IL1RAPL1: variants seen among roughly 807,000 people sequenced by gnomAD.
IL1RAPL1 encodes the protein interleukin-1 receptor accessory protein-like 1.
In IL1RAPL1, 3 loss-of-function variants were observed where a neutral mutation model predicts 48.4. That is an observed-to-expected ratio of 0.06 (90% confidence interval 0.03 to 0.16). The LOEUF is 0.16. IL1RAPL1 is among the 10% of genes least tolerant of loss of function. The pLI is 1.00. For synonymous variants in IL1RAPL1, 185 were observed against 187.7 expected (o/e 0.99, Z 0.12); for missense variants, 349 against 530.6 (o/e 0.66, Z 3.36).
chrX:28,597,588 G>T (rs1225927135), intron 1 of IL1RAPL1, among the ~76,000 whole-genome samples: 3 of 110,170 alleles, frequency 2.7e-5, no homozygotes, highest in Non-Finnish European at 5.7e-5. Context: ...AAAATTAGCC[G>T]GGCATGGTGG....
intron 2 of IL1RAPL1, among the ~76,000 whole-genome samples, chrX:29,269,888 AC>A (rs1268271697): frequency 5.4e-5 from 6 of 111,413 alleles, no homozygotes; most frequent in Non-Finnish European, 1.1e-4. Context: ...TACCCATCAC[AC>A]TAAAAGTTTC....
intron 2 of IL1RAPL1, among the ~76,000 whole-genome samples, chrX:29,137,399 A>T (rs1436260563): frequency 8.9e-6 from 1 of 111,956 alleles, no homozygotes; most frequent in Non-Finnish European, 1.9e-5. Context: ...TATGTAAGGG[A>T]TAATTTTTTT....
In IL1RAPL1 at chrX:29,153,299, T is replaced by C. The variant is rs1929501993; in HGVS notation, c.83-129639T>C. Among the ~76,000 whole-genome samples the C allele has an allele frequency of 2.7e-5, 3 of 111,824 alleles. No homozygotes were observed. In the South Asian group the frequency reaches 1.1e-3, roughly 42 times the overall value. ...GTCAGCTAACTAGTAGTCCTAATTA[T>C]ATCTGCTACGTTAACTCCCCTTTGC... On this transcript the variant is annotated intron_variant, in intron 2 of 10. Transcript: ENST00000378993.
chrX:29,221,448 G>A (rs750826784), intron 2 of IL1RAPL1, among the ~76,000 whole-genome samples: 1 of 111,067 alleles, frequency 9.0e-6, no homozygotes, highest in East Asian at 2.8e-4. Flanking sequence ...TCAGGAGAAC[G>A]AATCAACTGA....
intron 5 of IL1RAPL1, among the ~76,000 whole-genome samples, chrX:29,580,458 T>G (rs2147803316): frequency 8.9e-6 from 1 of 112,000 alleles, no homozygotes; most frequent in South Asian, 3.7e-4. Flanking sequence ...AATAATTATT[T>G]ACTTTTGTTC....
chrX:29,367,212 C>A, intron 3 of IL1RAPL1, among the ~76,000 whole-genome samples: 1 of 111,655 alleles, frequency 9.0e-6, no homozygotes, highest in Non-Finnish European at 1.9e-5. Context: ...ATTTTTCATT[C>A]ATTTGTCCAT....
chrX:29,126,463 G>T (rs1436082427), intron 2 of IL1RAPL1, among the ~76,000 whole-genome samples: 1 of 112,289 alleles, frequency 8.9e-6, no homozygotes, highest in East Asian at 2.8e-4. Context: ...TGTCATAGCT[G>T]GTCAAGAACT....
intron 5 of IL1RAPL1, among the ~76,000 whole-genome samples, chrX:29,628,610 C>A (rs1001659560): frequency 9.0e-6 from 1 of 111,604 alleles, no homozygotes; most frequent in Admixed American, 9.6e-5. Flanking sequence ...GGCATGATAC[C>A]CAGGCAGAAT....
chrX:29,240,465 C>A lies in IL1RAPL1; in HGVS notation c.83-42473C>A, dbSNP rs1431449054. Among the ~76,000 whole-genome samples the A allele has an allele frequency of 2.8e-5, 3 of 107,372 alleles. No homozygotes were observed. In the Admixed American group the frequency reaches 3.0e-4, roughly 11 times the overall value. 93.2% of individuals were successfully genotyped at this position (107,372 alleles called of 115,157 possible). ...GGCCAGGCTGGTCTTGAACTCCTGGCCTCAGGTGATCCGCCCTTCTCGGCC... is the reference window on the plus strand; with the variant it reads ...GGCCAGGCTGGTCTTGAACTCCTGGACTCAGGTGATCCGCCCTTCTCGGCC... On this transcript the variant is annotated intron_variant, in intron 2 of 10. Transcript: ENST00000378993.
chrX:29,766,107 G>T (rs775467306), intron 6 of IL1RAPL1, among the ~76,000 whole-genome samples: 1 of 107,982 alleles, frequency 9.3e-6, no homozygotes, highest in East Asian at 2.9e-4. Context: ...GAGGTGGACG[G>T]ATCATGGGGT....
At chrX:29,506,438 T>TCCTCCTC (rs1556025757) in intron 5 of IL1RAPL1, among the ~76,000 whole-genome samples, 3,439 of 90,556 alleles carry the variant, frequency 0.038, 165 homozygotes, top group African/African-American at 0.1. Context: ...TCCTTCTCCT[T>TCCTCCTC]CTCCTCCTCC....
intron 2 of IL1RAPL1, among the ~76,000 whole-genome samples, chrX:29,197,933 T>C (rs1053443424): frequency 2.7e-5 from 3 of 110,931 alleles, no homozygotes; most frequent in Non-Finnish European, 3.8e-5. Flanking sequence ...GGTCTTGAAC[T>C]CCTGACCTCA....
chrX:29,155,447 A>G (rs761958314), intron 2 of IL1RAPL1, among the ~76,000 whole-genome samples: 2 of 112,005 alleles, frequency 1.8e-5, no homozygotes, highest in South Asian at 3.7e-4. Context: ...AAATAAGTCT[A>G]TTCTTCTAGG....
At chrX:29,889,668 A>ATTCATGTACATATGCATATGTT (rs1448088229) in intron 6 of IL1RAPL1, among the ~76,000 whole-genome samples, 5 of 111,463 alleles carry the variant, frequency 4.5e-5, no homozygotes, top group Non-Finnish European at 9.4e-5. Flanking sequence ...ATTTCTATAT[A>ATTCATGTACATATGCATATGTT]TTCATGTACA....
chrX:29,745,431 G>GGT (rs1928306485), intron 6 of IL1RAPL1, among the ~76,000 whole-genome samples: 2 of 24,740 alleles, frequency 8.1e-5, no homozygotes, highest in Admixed American at 6.2e-4. Context: ...AGTTTTTTGT[G>GGT]TTTTTTTTTT....
At chrX:29,583,899 G>T (rs5927841) in intron 5 of IL1RAPL1, among the ~76,000 whole-genome samples, 9 of 110,489 alleles carry the variant, frequency 8.1e-5, no homozygotes, top group Non-Finnish European at 1.7e-4. Flanking sequence ...CAGGCACTCA[G>T]AAGTAATTGT....
chrX:29,058,837 T>C (rs1469022732), intron 2 of IL1RAPL1, among the ~76,000 whole-genome samples: 1 of 112,212 alleles, frequency 8.9e-6, no homozygotes, highest in Non-Finnish European at 1.9e-5. Context: ...AGCTCATAGT[T>C]TGTGTCCCCA....
chrX:29,409,434 T>A (rs1368542333), intron 5 of IL1RAPL1, among the ~76,000 whole-genome samples: 1 of 112,064 alleles, frequency 8.9e-6, no homozygotes, highest in African/African-American at 3.2e-5. Context: ...AATGTTGATT[T>A]GGAGTTGAAT....
chrX:29,866,090 C>A (rs7891129), intron 6 of IL1RAPL1, among the ~76,000 whole-genome samples: 19,764 of 110,971 alleles, frequency 0.18, 3,186 homozygotes, highest in African/African-American at 0.5. Flanking sequence ...TTGGGATTAG[C>A]TTTGGGTTCA....
Sources: gnomAD v4.1 joint callset for allele counts (sites outside exome capture counted in the v4.1 genomes callset) on GRCh38, gnomAD v4.1.1 for gene constraint, MANE v1.5 for transcripts, NCBI Gene and HGNC (gene_info 2026-07-23, HGNC 2026-07-21) for gene names.